PCDH7: variants seen among roughly 807,000 people sequenced by gnomAD.
PCDH7 encodes the protein protocadherin 7.
A neutral mutation model predicts 58.9 loss-of-function variants in PCDH7; 17 were observed. The observed-to-expected ratio is 0.29, with a 90% CI of 0.20 to 0.43. The LOEUF (loss-of-function observed/expected upper bound fraction) is 0.43. PCDH7 is among the 20% of genes least tolerant of loss of function. The pLI is 1.00. For missense variants in PCDH7, 1,274 were observed against 1,441.0 expected (o/e 0.88, Z 1.88); for synonymous variants, 664 against 616.4 (o/e 1.08, Z -1.14).
chr4:31,049,460 T>C (rs6824760), intron 3 of PCDH7, among the ~76,000 whole-genome samples: 96,123 of 151,956 alleles, frequency 0.63, 32,914 homozygotes, highest in African/African-American at 0.9. Flanking sequence ...TGGGGCAGCC[T>C]GGGAAGCAAC....
chr4:31,097,425 G>T (rs1714152525), intron 3 of PCDH7, among the ~76,000 whole-genome samples: 1 of 150,106 alleles, frequency 6.7e-6, no homozygotes, highest in East Asian at 2.0e-4. Flanking sequence ...CTCCACTCCA[G>T]CCTGCGTTGT....
chr4:30,901,098 T>A (rs1168054696), intron 1 of PCDH7, among the ~76,000 whole-genome samples: 1 of 152,250 alleles, frequency 6.6e-6, no homozygotes, highest in Non-Finnish European at 1.5e-5. Flanking sequence ...TTTACTAGAA[T>A]GTACGATAGC....
chr4:31,045,674 C>A (rs531038089), intron 3 of PCDH7, among the ~76,000 whole-genome samples: 1 of 151,936 alleles, frequency 6.6e-6, no homozygotes, highest in Non-Finnish European at 1.5e-5. Flanking sequence ...TTCATAAATT[C>A]GATTATTGCA....
At chr4:30,805,426 A>G (rs1271665536) in intron 1 of PCDH7, among the ~76,000 whole-genome samples, 3 of 152,184 alleles carry the variant, frequency 2.0e-5, no homozygotes, top group Non-Finnish European at 4.4e-5. Flanking sequence ...ACTAAGAACT[A>G]CTTCATGGGG....
chr4:30,741,130 G>A (rs1302356340), intron 1 of PCDH7, among the ~76,000 whole-genome samples: 2 of 151,988 alleles, frequency 1.3e-5, no homozygotes, highest in Admixed American at 6.6e-5. Context: ...CATATGATCT[G>A]AGTTGATATA....
At chr4:30,765,895 C>T (rs74818508) in intron 1 of PCDH7, among the ~76,000 whole-genome samples, 431 of 152,198 alleles carry the variant, frequency 2.8e-3, no homozygotes, top group African/African-American at 9.9e-3. Context: ...AGAAGGCAGT[C>T]GGTTCTGTTT....
chr4:30,784,461 G>A (rs1392860940), intron 1 of PCDH7, among the ~76,000 whole-genome samples: 3 of 151,966 alleles, frequency 2.0e-5, no homozygotes, highest in African/African-American at 7.2e-5. Context: ...TCTGTTCCTC[G>A]ATAACATTTT....
At chr4:31,037,912 G>A (rs1196678502) in intron 3 of PCDH7, among the ~76,000 whole-genome samples, 1 of 152,240 alleles carries the variant, frequency 6.6e-6, no homozygotes, top group Non-Finnish European at 1.5e-5. Context: ...GTGACAGATA[G>A]ATGATGGGTG....
At chr4:30,843,698 GA>G (rs1731533147) in intron 1 of PCDH7, among the ~76,000 whole-genome samples, 1 of 151,966 alleles carries the variant, frequency 6.6e-6, no homozygotes, top group Non-Finnish European at 1.5e-5. Flanking sequence ...GCACTACCTA[GA>G]TTTTTTTTTG....
chr4:30,964,354 G>T (rs1410764714), intron 3 of PCDH7, among the ~76,000 whole-genome samples: 5 of 151,296 alleles, frequency 3.3e-5, no homozygotes, highest in Non-Finnish European at 7.4e-5. Context: ...ACATTATCCT[G>T]CCTCAGCCTC....
Position 30,752,401 on chromosome 4 carries a change from A to C in PCDH7, c.70+27805A>C, listed in dbSNP as rs1397031375. On this transcript the variant is annotated intron_variant, in intron 1 of 3. Transcript: ENST00000509759. ...GAGCAGGTTCATGGATGATTTTTCC[A>C]ACACATCTCACACCCAAGTAGGTGA... Among the ~76,000 whole-genome samples the C allele has an allele frequency of 2.0e-5, 3 of 152,260 alleles. No individual in the cohort carries two copies. The South Asian group carries it at 6.2e-4, about 32-fold the overall frequency.
chr4:30,975,593 G>A (rs1178494737), intron 3 of PCDH7, among the ~76,000 whole-genome samples: 1 of 152,082 alleles, frequency 6.6e-6, no homozygotes, highest in East Asian at 1.9e-4. Context: ...CAACATGTTA[G>A]TATTTCCAAT....
intron 3 of PCDH7, among the ~76,000 whole-genome samples, chr4:30,990,862 A>C (rs1244169945): frequency 6.6e-6 from 1 of 152,124 alleles, no homozygotes; most frequent in Non-Finnish European, 1.5e-5. Flanking sequence ...CTTTTTTATA[A>C]GTTATTTATG....
intron 1 of PCDH7, among the ~76,000 whole-genome samples, chr4:30,855,293 A>C (rs929253422): frequency 3.9e-5 from 6 of 152,172 alleles, no homozygotes; most frequent in African/African-American, 1.2e-4. Flanking sequence ...CAGAATATCC[A>C]GGTAGACCTG....
At chr4:30,781,752 T>A (rs1024010037) in intron 1 of PCDH7, among the ~76,000 whole-genome samples, 1 of 151,652 alleles carries the variant, frequency 6.6e-6, no homozygotes, top group Non-Finnish European at 1.5e-5. Flanking sequence ...GGCAGACTTG[T>A]CTTGAACTCC....
intron 1 of PCDH7, among the ~76,000 whole-genome samples, chr4:30,886,745 T>G (rs1253223063): frequency 6.6e-6 from 1 of 151,336 alleles, no homozygotes; most frequent in Non-Finnish European, 1.5e-5. Flanking sequence ...AATGATAGAC[T>G]GGATTAAGAA....
intron 3 of PCDH7, among the ~76,000 whole-genome samples, chr4:31,142,115 T>C (rs549469308): frequency 6.6e-6 from 1 of 152,318 alleles, no homozygotes; most frequent in Non-Finnish European, 1.5e-5. Context: ...ATTTTTCTTA[T>C]GGATGTGGAA....
At chr4:30,783,942 ATG>A (rs138059892) in intron 1 of PCDH7, among the ~76,000 whole-genome samples, 10 of 150,152 alleles carry the variant, frequency 6.7e-5, no homozygotes, top group Non-Finnish European at 7.4e-5. Flanking sequence ...TTGTTTGTGT[ATG>A]TGTGTGTGTG....
intron 2 of PCDH7, among the ~76,000 whole-genome samples, chr4:30,936,413 A>G (rs1330554435): frequency 5.3e-5 from 8 of 152,176 alleles, no homozygotes; most frequent in African/African-American, 1.9e-4. Context: ...ATGAAAACCT[A>G]TTGTAGCCAT....
Sources: gnomAD v4.1 joint callset for allele counts (sites outside exome capture counted in the v4.1 genomes callset) on GRCh38, gnomAD v4.1.1 for gene constraint, MANE v1.5 for transcripts, NCBI Gene and HGNC (gene_info 2026-07-23, HGNC 2026-07-21) for gene names.